The following ST6GAL1 variants were observed in gnomAD, a reference collection of about 807,000 sequenced individuals.
ST6GAL1 encodes ST6 beta-galactoside alpha-2,6-sialyltransferase 1.
A neutral mutation model predicts 38.0 loss-of-function variants in ST6GAL1; 20 were observed. That is an observed-to-expected ratio of 0.53 (90% CI 0.37 to 0.77). ST6GAL1 has a LOEUF of 0.77. Among genes scored for constraint, ST6GAL1 ranks in the 30% least tolerant of loss-of-function variants. The pLI, the probability that ST6GAL1 is intolerant of heterozygous loss-of-function variation, is 0.00. For missense variants in ST6GAL1, 432 were observed against 496.4 expected (o/e 0.87, Z 1.23); for synonymous variants, 196 against 188.2 (o/e 1.04, Z -0.34).
rs1368455957 is a variant in ST6GAL1, at chr3:186,963,928, T to TA, written c.-183+4dup. ...CCAGGTGTCCATCCCCGTGCTGAGG[T>TA]AAGACCCCCTGAAGCCCAGCCTGAG... is the stretch of plus-strand genomic sequence containing the variant. On this transcript the variant is annotated splice_region_variant and intron_variant, in intron 2 of 7. Coordinates refer to ENST00000169298, the MANE Select transcript of ST6GAL1 (RefSeq NM_173216.2). The TA allele has an allele frequency of 6.6e-6, 1 of 152,286 alleles. No homozygotes were observed. Among genetic ancestry groups the TA allele is most frequent in the African/African-American group, 2.4e-5 (1 of 41,438 alleles). 9.4% of individuals were successfully genotyped at this position (152,286 alleles called of 1,614,324 possible).
At chr3:187,015,702 C>A (rs1024854806) in intron 2 of ST6GAL1, among the ~76,000 whole-genome samples, 1 of 151,760 alleles carries the variant, frequency 6.6e-6, no homozygotes. Context: ...AGATGGGTGT[C>A]GTGGTGTGTG....
chr3:187,000,395 C>CAAA (rs370577965), intron 2 of ST6GAL1, among the ~76,000 whole-genome samples: 2 of 123,494 alleles, frequency 1.6e-5, no homozygotes, highest in South Asian at 2.6e-4. Flanking sequence ...ACTAAAAATA[C>CAAA]AAAAAAAAAA....
At chr3:186,960,830 C>T (rs115111639) in intron 1 of ST6GAL1, among the ~76,000 whole-genome samples, 2,618 of 151,660 alleles carry the variant, frequency 0.017, 74 homozygotes, top group African/African-American at 0.06. Flanking sequence ...TAGTGGCCCG[C>T]GGCCACTAGA....
At chr3:187,029,206 G>C (rs12629450) in intron 2 of ST6GAL1, among the ~76,000 whole-genome samples, 24,481 of 152,042 alleles carry the variant, frequency 0.16, 2,078 homozygotes, top group Middle Eastern at 0.27. Flanking sequence ...GGTCACGGCT[G>C]CTTGACTCAC....
intron 5 of ST6GAL1, among the ~76,000 whole-genome samples, chr3:187,055,675 T>C (rs960350722): frequency 1.1e-4 from 16 of 152,176 alleles, no homozygotes; most frequent in African/African-American, 3.9e-4. Flanking sequence ...GAGAGACAGT[T>C]TGTTATGATT....
chr3:187,053,923 A>G (rs1234241598), intron 5 of ST6GAL1, among the ~76,000 whole-genome samples: 1 of 152,216 alleles, frequency 6.6e-6, no homozygotes, highest in African/African-American at 2.4e-5. Flanking sequence ...GATTCTTCCT[A>G]ACCATGAGCA....
At chr3:187,049,026 G>A (rs1199790846) in intron 4 of ST6GAL1, among the ~76,000 whole-genome samples, 3 of 151,834 alleles carry the variant, frequency 2.0e-5, no homozygotes, top group Non-Finnish European at 4.4e-5. Flanking sequence ...GAGTAGCTAG[G>A]ATTACAGGTG....
At chr3:186,943,052 T>G (rs1211433503) in intron 1 of ST6GAL1, among the ~76,000 whole-genome samples, 1 of 152,222 alleles carries the variant, frequency 6.6e-6, no homozygotes, top group African/African-American at 2.4e-5. Flanking sequence ...CATAGTCTGT[T>G]GCTTCCAGAG....
intron 1 of ST6GAL1, among the ~76,000 whole-genome samples, chr3:186,949,131 G>A (rs1579262607): frequency 6.6e-6 from 1 of 152,192 alleles, no homozygotes; most frequent in African/African-American, 2.4e-5. Context: ...CCAAGCAGGC[G>A]GGTGAAAGAG....
chr3:187,051,999 C>G (rs1305460866), intron 5 of ST6GAL1, among the ~76,000 whole-genome samples: 1 of 152,076 alleles, frequency 6.6e-6, no homozygotes, highest in African/African-American at 2.4e-5. Flanking sequence ...TGCAACCTGC[C>G]CATCTCACAA....
intron 1 of ST6GAL1, among the ~76,000 whole-genome samples, chr3:186,941,990 C>T (rs193197485): frequency 2.7e-5 from 4 of 150,222 alleles, no homozygotes; most frequent in Admixed American, 1.3e-4. Context: ...CCATCCTAGG[C>T]GACAGAGCAA....
intron 2 of ST6GAL1, chr3:187,006,562 A>G (rs747867661): frequency 3.9e-5 from 6 of 152,180 alleles, no homozygotes; most frequent in Non-Finnish European, 8.8e-5. Context: ...TAGGTGCTTT[A>G]CAACTATTAA....
intron 5 of ST6GAL1, among the ~76,000 whole-genome samples, chr3:187,052,970 A>G (rs1221376029): frequency 6.6e-6 from 1 of 152,124 alleles, no homozygotes. Context: ...TTGTTTCCTG[A>G]CTTTTTAATG....
At chr3:186,995,142 T>C (rs2108548400) in intron 2 of ST6GAL1, among the ~76,000 whole-genome samples, 1 of 152,136 alleles carries the variant, frequency 6.6e-6, no homozygotes, top group South Asian at 2.1e-4. Context: ...TGTGTATAGT[T>C]TTAAAATAGT....
At chr3:186,946,752 T>C (rs1371285600) in intron 1 of ST6GAL1, among the ~76,000 whole-genome samples, 3 of 152,198 alleles carry the variant, frequency 2.0e-5, no homozygotes, top group African/African-American at 7.2e-5. Flanking sequence ...TGAACTAGTC[T>C]TACTTAAATC....
chr3:186,970,088 A>G (rs1328866772), intron 2 of ST6GAL1, among the ~76,000 whole-genome samples: 2 of 152,168 alleles, frequency 1.3e-5, no homozygotes, highest in Non-Finnish European at 2.9e-5. Context: ...TTATAGTACA[A>G]TATCAAAACC....
intron 2 of ST6GAL1, among the ~76,000 whole-genome samples, chr3:187,013,269 T>A (rs1244812679): frequency 6.6e-6 from 1 of 152,200 alleles, no homozygotes; most frequent in Non-Finnish European, 1.5e-5. Context: ...CTCTGCACAG[T>A]TTAAAGCCTT....
intron 2 of ST6GAL1, among the ~76,000 whole-genome samples, chr3:187,031,063 A>G (rs1226920927): frequency 1.3e-5 from 2 of 152,184 alleles, no homozygotes; most frequent in African/African-American, 2.4e-5. Flanking sequence ...GGAGCTCTCA[A>G]TCTGGTTGGG....
Position 187,075,629 on chromosome 3 carries a change from G to A in ST6GAL1, c.1047G>A (p.Lys349=). The A allele has an allele frequency of 1.2e-6, 2 of 1,614,164 alleles. No homozygotes were observed. The highest frequency in any genetic ancestry group is 1.1e-5 in the South Asian group (1 of 91,076). ...DIYEFLPSKR[K]TDVCYYYQKF... is the part of the protein sequence containing the mutation. Reference sequence around the variant, plus strand: ...ATGAGTTCCTCCCATCCAAGCGCAAGACTGACGTGTGCTACTACTACCAGA... The same window carrying A: ...ATGAGTTCCTCCCATCCAAGCGCAAAACTGACGTGTGCTACTACTACCAGA... The change falls in exon 8 of 8, where the codon AAG becomes AAA. Residue 349 remains lysine, a synonymous_variant. Transcript: ENST00000169298. This position sits in a 1 kb window ranked among gnomAD's most constrained non-coding sequence, Gnocchi z 4.1.
Sources: gnomAD v4.1 joint callset for allele counts (sites outside exome capture counted in the v4.1 genomes callset) on GRCh38, gnomAD v4.1.1 for gene constraint, Gnocchi (gnomAD v3.1) non-coding constraint, MANE v1.5 for transcripts, NCBI Gene and HGNC (gene_info 2026-07-23, HGNC 2026-07-21) for gene names.